PPIE: variants seen among roughly 807,000 people sequenced by gnomAD.
PPIE encodes the protein peptidylprolyl isomerase E.
A neutral mutation model predicts 38.4 loss-of-function variants in PPIE; 20 were observed. The ratio of observed to expected loss-of-function variants is 0.52; its 90% CI spans 0.37 to 0.76. The LOEUF is 0.76. Among genes scored for constraint, PPIE ranks in the 30% least tolerant of loss-of-function variants. The pLI is 0.00. For synonymous variants in PPIE, 142 were observed against 135.7 expected (o/e 1.05, Z -0.32); for missense variants, 322 against 385.8 (o/e 0.83, Z 1.39).
chr1:39,750,347 C>T (rs936303009), intron 8 of PPIE, among the ~76,000 whole-genome samples: 1 of 152,156 alleles, frequency 6.6e-6, no homozygotes, highest in South Asian at 2.1e-4. Context: ...ATACGAGTAG[C>T]CAGTTCTTGG....
In PPIE at chr1:39,753,847, A is replaced by G; in HGVS notation, c.*492A>G. The G allele has an allele frequency of 1.0e-6, 1 of 986,746 alleles. No homozygotes were observed. Among genetic ancestry groups the G allele is most frequent in the Non-Finnish European group, 1.2e-6 (1 of 830,852 alleles). The allele number at this position is 986,746 out of a possible 1,614,324, so 61.1% of individuals were successfully genotyped here. On this transcript the variant is annotated 3_prime_UTR_variant, in exon 10 of 10. Transcript: ENST00000324379. ...CCTTGGGCCGATCCCCTTAGATGTC[A>G]GGTGATGTATCTTCACACCAGGCAT...
downstream of PPIE, among the ~76,000 whole-genome samples, chr1:39,761,679 C>T (rs1223017758): frequency 2.6e-5 from 4 of 152,256 alleles, no homozygotes; most frequent in East Asian, 7.7e-4. Flanking sequence ...AAGCTCACTG[C>T]TGTCTTAGGG....
chr1:39,752,837 A>G, intron 8 of PPIE, 73 bp from the exon 9 acceptor site: 2 of 1,539,796 alleles, frequency 1.3e-6, no homozygotes, highest in South Asian at 1.3e-5. Flanking sequence ...AAGGGCTGTC[A>G]ACAGCCTGCA....
rs909409521 is a variant in PPIE at position 39,755,812 on chromosome 1, A to T, written c.*2457A>T. The T allele has an allele frequency of 7.1e-6, 7 of 985,282 alleles. No homozygotes were observed. The highest frequency in any genetic ancestry group is 8.4e-6 in the Non-Finnish European group (7 of 829,916). The allele number at this position is 985,282 out of a possible 1,614,324, so 61.0% of individuals were successfully genotyped here. A position where few individuals can be genotyped will look rare whatever the true frequency, so the allele number is the denominator to read the frequency against. ...GGTGTTCACAGATGTTATTGAATGC[A>T]CACTGGAACCCTGCACAGGTAAACT... On this transcript the variant is annotated 3_prime_UTR_variant, in exon 10 of 10. Transcript: ENST00000324379.
In PPIE at chr1:39,756,516, T is replaced by TC; in HGVS notation, c.*3164dup. Reference sequence around the variant, plus strand: ...CAGCATGACAGCCGCCTCCAGGTGCTCCCAGCATCTGTTGCAGTCATGGCA... The same window carrying TC: ...CAGCATGACAGCCGCCTCCAGGTGCTCCCCAGCATCTGTTGCAGTCATGGCA... On this transcript the variant is annotated 3_prime_UTR_variant, in exon 10 of 10. Coordinates refer to ENST00000324379, the MANE Select transcript of PPIE (RefSeq NM_006112.4). The TC allele has an allele frequency of 3.0e-6, 3 of 985,412 alleles. No homozygotes were observed. The Admixed American group carries it at 1.8e-4, about 61-fold the overall frequency. The allele number at this position is 985,412 out of a possible 1,614,324, so 61.0% of individuals were successfully genotyped here.
chr1:39,762,537 A>G (rs1557470390), intron 9 of PPIE: 3 of 1,550,402 alleles, frequency 1.9e-6, no homozygotes, highest in Middle Eastern at 3.3e-4. Flanking sequence ...ATACCAAGGC[A>G]TCAAAAGCCA....
chr1:39,746,065 T>C (rs10888958), intron 7 of PPIE: 47,534 of 152,124 alleles, frequency 0.31, 7,794 homozygotes, highest in South Asian at 0.41. Context: ...GTTTTGGTTT[T>C]TATTTCCATG....
intron 9 of PPIE, chr1:39,762,234 T>G: frequency 3.1e-6 from 1 of 318,094 alleles, no homozygotes; most frequent in Non-Finnish European, 5.8e-6. Context: ...TGTGTGTGTG[T>G]TTTAATTTTT....
chr1:39,742,000 G>A, intron 4 of PPIE, 79 bp downstream of exon 4: 1 of 1,504,878 alleles, frequency 6.6e-7, no homozygotes, highest in Non-Finnish European at 9.2e-7. Flanking sequence ...TCAGTGTTCT[G>A]GACTTCCAAA....
At position 39,741,892 on chromosome 1, in the gene PPIE, C is replaced by T; in HGVS notation, c.175-3C>T. On this transcript the variant is annotated splice_polypyrimidine_tract_variant and splice_region_variant and intron_variant, in intron 3 of 9. Coordinates refer to ENST00000324379, the MANE Select transcript of PPIE (RefSeq NM_006112.4). ...AACTTGTACCTTTGTCTTTCCTTGGCAGGATGCTGCAGCAGCTATCGACAA... is the reference window on the plus strand; with the variant it reads ...AACTTGTACCTTTGTCTTTCCTTGGTAGGATGCTGCAGCAGCTATCGACAA... 6.2e-7 allele frequency: 1 copy of T among 1,614,198 alleles called. No homozygotes were observed. The highest frequency in any genetic ancestry group is 8.5e-7 in the Non-Finnish European group (1 of 1,180,016).
At chr1:39,748,832 C>T in intron 7 of PPIE, 71 bp from the exon 8 acceptor site, 1 of 1,454,274 alleles carries the variant, frequency 6.9e-7, no homozygotes, top group Non-Finnish European at 9.4e-7. Context: ...AACACTAAAC[C>T]AAAGTTTTTT....
intron 4 of PPIE, chr1:39,742,967 G>T: frequency 3.0e-6 from 1 of 329,654 alleles, no homozygotes. Flanking sequence ...ATTTATTTTT[G>T]TAATTTTGGA....
exon 10 of PPIE, chr1:39,763,874 T>C: frequency 1.4e-6 from 2 of 1,436,622 alleles, no homozygotes; most frequent in South Asian, 2.5e-5. Flanking sequence ...GGGGATGCCC[T>C]GATGAGCACA....
At position 39,754,888 on chromosome 1, in the gene PPIE, TCTAGA is replaced by T. The variant is rs1284457462; in HGVS notation, c.*1538_*1542del. The T allele has an allele frequency of 7.7e-6, 3 of 391,352 alleles. No homozygotes were observed. The highest frequency in any genetic ancestry group is 6.5e-5 in the African/African-American group (3 of 45,838). 24.2% of individuals were successfully genotyped at this position (391,352 alleles called of 1,614,324 possible). ...AAAAGAAACCATCATCACAGCAACATCTAGACTAGTGTTTGACTAAAAACTGGATA... is the reference window on the plus strand; with the variant it reads ...AAAAGAAACCATCATCACAGCAACATCTAGTGTTTGACTAAAAACTGGATA... On this transcript the variant is annotated 3_prime_UTR_variant, in exon 10 of 10. Transcript: ENST00000324379.
chr1:39,763,080 C>T, intron 9 of PPIE: 1 of 1,612,786 alleles, frequency 6.2e-7, no homozygotes, highest in Non-Finnish European at 8.5e-7. Context: ...GCAGGATGGG[C>T]ATGGTACTGA....
rs879097775 is a variant in PPIE at position 39,753,168 on chromosome 1, A to AG, written c.838-115dup. On this transcript the variant is annotated intron_variant, in intron 9 of 9. Transcript: ENST00000324379. ...ATGGCCAGGGGCTGTGTCCAGCGGG[A>AG]GGGGCTGCTGCTGCCCAGGTTCCGG... is the stretch of plus-strand genomic sequence containing the variant. 126 of 1,586,614 alleles carry AG rather than the reference A, an allele frequency of 7.9e-5. 1 individual carries two copies. In the South Asian group the frequency reaches 1.4e-3, roughly 17 times the overall value.
At chr1:39,763,320 G>C (rs1359662552) in intron 9 of PPIE, 4 of 1,032,428 alleles carry the variant, frequency 3.9e-6, no homozygotes, top group Non-Finnish European at 5.7e-6. Context: ...ATCCACCCAG[G>C]AACCCCCGGC....
At chr1:39,743,318 G>A in intron 5 of PPIE, 21 bp downstream of exon 5, 2 of 1,605,994 alleles carry the variant, frequency 1.2e-6, no homozygotes, top group Non-Finnish European at 1.7e-6. Flanking sequence ...GCAACTTCCA[G>A]ATTCCCTGTG....
chr1:39,751,131 G>T (rs1647685261), intron 8 of PPIE, among the ~76,000 whole-genome samples: 1 of 152,210 alleles, frequency 6.6e-6, no homozygotes, highest in Non-Finnish European at 1.5e-5. Flanking sequence ...GATGCTATTG[G>T]TGATACGGCT....
Sources: allele counts gnomAD v4.1 joint callset (sites outside exome capture counted in the v4.1 genomes callset), GRCh38; gene constraint gnomAD v4.1.1; transcripts MANE v1.5; gene names NCBI Gene and HGNC (gene_info 2026-07-23, HGNC 2026-07-21).